The following POR variants were observed in gnomAD, a reference collection of about 807,000 sequenced individuals.
The protein encoded by POR is NADPH--cytochrome P450 reductase.
POR carries 56 observed loss-of-function variants against 84.0 expected under a neutral mutation model. The observed-to-expected ratio is 0.67, with a 90% CI of 0.54 to 0.83. POR has a LOEUF of 0.83. Among genes scored for constraint, POR ranks in the 40% least tolerant of loss-of-function variants. The pLI is 0.00. For synonymous variants in POR, 414 were observed against 400.5 expected, an observed-to-expected ratio of 1.03 and a Z score of -0.40; for missense variants, 938 against 944.3, an observed-to-expected ratio of 0.99 and a Z score of 0.09.
intron 2 of POR, chr7:75,967,826 C>G (rs1364778726): frequency 2.9e-6 from 1 of 344,690 alleles, no homozygotes; most frequent in Admixed American, 3.8e-5. Flanking sequence ...ATCCTGAGTC[C>G]TGCCTGCTGG....
chr7:75,979,893 T>C, intron 4 of POR: 4 of 373,500 alleles, frequency 1.1e-5, no homozygotes, highest in South Asian at 6.2e-5. Flanking sequence ...TCCACTCCCC[T>C]CTCCTTCGAG....
intron 2 of POR, among the ~76,000 whole-genome samples, chr7:75,955,779 A>C (rs1189441783): frequency 6.6e-6 from 1 of 152,162 alleles, no homozygotes; most frequent in Non-Finnish European, 1.5e-5. Context: ...TGTCAGTTCC[A>C]GTCCAAGGCT....
chr7:75,925,780 A>G (rs1807084483), intron 1 of POR, among the ~76,000 whole-genome samples: 1 of 152,200 alleles, frequency 6.6e-6, no homozygotes. Context: ...TCTGGGTCCC[A>G]TCTAGGTAAG....
At chr7:75,929,718 G>A (rs1372968884) in intron 1 of POR, among the ~76,000 whole-genome samples, 1 of 152,174 alleles carries the variant, frequency 6.6e-6, no homozygotes, top group Non-Finnish European at 1.5e-5. Flanking sequence ...CTGTCAGCTT[G>A]TGGAAGAGCT....
intron 1 of POR, among the ~76,000 whole-genome samples, chr7:75,951,657 T>C (rs1332630666): frequency 6.6e-6 from 1 of 152,226 alleles, no homozygotes; most frequent in Non-Finnish European, 1.5e-5. Flanking sequence ...GCCTAATTGC[T>C]GACACATGAC....
chr7:75,949,590 G>A (rs1235356635), intron 1 of POR, among the ~76,000 whole-genome samples: 2 of 152,034 alleles, frequency 1.3e-5, no homozygotes, highest in Non-Finnish European at 2.9e-5. Context: ...TGTGATCTCA[G>A]CTCACTGCAA....
intron 5 of POR, 59 bp downstream of exon 5, chr7:75,980,547 TC>T: frequency 1.9e-6 from 3 of 1,612,292 alleles, no homozygotes; most frequent in Non-Finnish European, 2.5e-6. Context: ...CCCTGGGGAC[TC>T]CAGATCCATG....
intron 1 of POR, among the ~76,000 whole-genome samples, chr7:75,948,164 G>A (rs1381480686): frequency 2.6e-5 from 4 of 152,210 alleles, no homozygotes; most frequent in South Asian, 4.1e-4. Flanking sequence ...CGTTTTGCCC[G>A]AGTGAGGTGC....
rs782293915 is a variant in POR at position 75,985,653 on chromosome 7, C to T, written c.1473C>T (p.Gly491=). ...CCAAGGCTGGCCGCATCAACAAGGG[C>T]GTGGCCACCAACTGGCTGCGGGCCA... Residue 491 remains glycine (G), a synonymous_variant, in exon 13 of 16, where the codon GGC becomes GGT. Coordinates refer to ENST00000461988, the MANE Select transcript of POR (RefSeq NM_000941.3). 1.5e-5 allele frequency: 24 copies of T among 1,594,948 alleles called. No individual in the cohort carries two copies. Among genetic ancestry groups the T allele is most frequent in the African/African-American group, 2.7e-5 (2 of 74,758 alleles).
intron 1 of POR, among the ~76,000 whole-genome samples, chr7:75,948,011 C>G (rs1189267337): frequency 5.9e-5 from 9 of 152,186 alleles, no homozygotes; most frequent in Non-Finnish European, 8.8e-5. Context: ...CCTTGAGAGG[C>G]CTTCCTTTCG....
chr7:75,979,311 G>A (rs1788870980), intron 3 of POR, 140 bp from the exon 4 acceptor site: 3 of 995,308 alleles, frequency 3.0e-6, no homozygotes, highest in Admixed American at 5.3e-5. Flanking sequence ...AGTCCCAGAG[G>A]AACTTAGAAG....
Position 75,952,444 on chromosome 7 carries a change from C to T in POR, c.-4-1545C>T, listed in dbSNP as rs1430407262. Among the ~76,000 whole-genome samples the T allele has an allele frequency of 1.3e-3, 190 of 144,398 alleles. 12 individuals are homozygous for T. In the South Asian group the frequency reaches 0.039, roughly 29 times the overall value. The allele number at this position is 144,398 out of a possible 152,430, so 94.7% of individuals were successfully genotyped here. On this transcript the variant is annotated intron_variant, in intron 1 of 15. Transcript: ENST00000461988. Reference sequence around the variant, plus strand: ...CCCCCCACCTCCCTCCCGGACGGAGCGGCTGGCCGGGCGGGGGCTGACCCC... The same window carrying T: ...CCCCCCACCTCCCTCCCGGACGGAGTGGCTGGCCGGGCGGGGGCTGACCCC...
At chr7:75,979,092 C>T (rs782544828) in intron 3 of POR, among the ~76,000 whole-genome samples, 5 of 152,248 alleles carry the variant, frequency 3.3e-5, no homozygotes, top group Admixed American at 6.5e-5. Flanking sequence ...CCACCACGCC[C>T]GGCTGCATCC....
chr7:75,966,136 CT>C (rs782650047), intron 2 of POR, among the ~76,000 whole-genome samples: 2 of 152,176 alleles, frequency 1.3e-5, no homozygotes, highest in Non-Finnish European at 2.9e-5. Flanking sequence ...AAATAGAAAG[CT>C]TCTTGAATGC....
At chr7:75,981,369 T>A in intron 6 of POR, 148 bp from the exon 7 acceptor site, 1 of 1,185,114 alleles carries the variant, frequency 8.4e-7, no homozygotes, top group Non-Finnish European at 1.2e-6. Flanking sequence ...GGAGCCTTCC[T>A]GATGCTCTGG....
At chr7:75,974,863 C>G (rs970692972) in intron 3 of POR, among the ~76,000 whole-genome samples, 7 of 152,084 alleles carry the variant, frequency 4.6e-5, no homozygotes, top group Non-Finnish European at 1.0e-4. Flanking sequence ...CTCTTCACAT[C>G]TTTTGCCTGC....
chr7:75,961,962 CA>C (rs1313794889), intron 2 of POR, among the ~76,000 whole-genome samples: 22 of 151,790 alleles, frequency 1.4e-4, no homozygotes, highest in African/African-American at 4.8e-4. Context: ...TGCAGTGAGC[CA>C]TGGTTGTGCC....
At chr7:75,951,854 CA>C (rs1286779151) in intron 1 of POR, among the ~76,000 whole-genome samples, 3 of 152,286 alleles carry the variant, frequency 2.0e-5, no homozygotes, top group Admixed American at 6.5e-5. Context: ...GTCTGCCTAC[CA>C]GGTGTCGTTG....
chr7:75,979,701 G>C, intron 4 of POR, 122 bp downstream of exon 4: 1 of 1,386,626 alleles, frequency 7.2e-7, no homozygotes, highest in Non-Finnish European at 9.8e-7. Context: ...AGACGTCCTC[G>C]GAAGTTGCCT....
Sources: gnomAD v4.1 joint callset for allele counts (sites outside exome capture counted in the v4.1 genomes callset) on GRCh38, gnomAD v4.1.1 for gene constraint, MANE v1.5 for transcripts, NCBI Gene and HGNC (gene_info 2026-07-23, HGNC 2026-07-21) for gene names.